NEB: variants seen among roughly 807,000 people sequenced by gnomAD.
NEB encodes the protein nemaline myopathy type 2.
In NEB, 512 loss-of-function variants were observed where a neutral mutation model predicts 952.2. The ratio of observed to expected loss-of-function variants is 0.54; its 90% CI spans 0.50 to 0.58. The LOEUF is 0.58. NEB is among the 20% of genes least tolerant of loss of function. The pLI, the probability that NEB is intolerant of heterozygous loss-of-function variation, is 0.00. For missense variants in NEB, 8,428 were observed against 9,231.1 expected (o/e 0.91, Z 3.56); for synonymous variants, 2,900 against 3,149.8 (o/e 0.92, Z 2.66).
In NEB at chr2:151,619,627, C is replaced by T; in HGVS notation, c.10696G>A (p.Glu3566Lys). 6.2e-7 allele frequency: 1 copy of T among 1,613,954 alleles called. No individual in the cohort carries two copies. Residue 3566 changes from glutamate to lysine, a missense_variant, in exon 73 of 182, where the codon GAG (glutamate) becomes AAG (lysine). By Grantham distance (56) the Glu-to-Lys change is moderately conservative. Coordinates refer to ENST00000397345, the MANE Select transcript of NEB (RefSeq NM_001164508.2). ...QSDREYKKDF[E>K]KYKTRYSSPV... ...CTGCTGTACCTTGTCTTGTATTTCTCAAAATCTTTCTTGTACTCACGGTCA... is the reference window on the plus strand; with the variant it reads ...CTGCTGTACCTTGTCTTGTATTTCTTAAAATCTTTCTTGTACTCACGGTCA...
rs543483258 is a variant in NEB at position 151,572,871 on chromosome 2, T to TAAAAA, written c.17014-2275_17014-2271dup. ...AGCCAAGTATGTATATATTTTTAAC[T>TAAAAA]AAAAAAAAAAAAAAAAAGCCCGGGG... On this transcript the variant is annotated intron_variant, in intron 107 of 181. Transcript: ENST00000397345. 6.9e-5 allele frequency among the ~76,000 whole-genome samples: 6 copies of TAAAAA among 86,666 alleles called. No homozygotes were observed. In the Admixed American group the frequency reaches 7.5e-4, roughly 11 times the overall value. 56.9% of individuals were successfully genotyped at this position (86,666 alleles called of 152,430 possible). A position where few individuals can be genotyped will look rare whatever the true frequency, so the allele number is the denominator to read the frequency against.
chr2:151,643,610 G>T (rs1474797990), intron 57 of NEB, among the ~76,000 whole-genome samples: 2 of 152,150 alleles, frequency 1.3e-5, no homozygotes, highest in Non-Finnish European at 2.9e-5. Flanking sequence ...TGTCTAGCTC[G>T]ACAATCTAGA....
chr2:151,515,001 A>T (rs928075944), intron 157 of NEB, 73 bp from the exon 158 acceptor site: 6 of 890,438 alleles, frequency 6.7e-6, no homozygotes, highest in East Asian at 2.8e-5. Context: ...TCTCAGGAAG[A>T]AAAAAAAAAC....
In NEB at chr2:151,568,913, A is replaced by T. The variant is rs559674933; in HGVS notation, c.17536-197T>A. 5.3e-5 allele frequency among the ~76,000 whole-genome samples: 8 copies of T among 152,312 alleles called. No homozygotes were observed. The South Asian group carries it at 1.7e-3, about 32-fold the overall frequency. ...CATCAGCTTCTTATGCCTCCCACAG[A>T]TTTTAAAGTAGGAAGTTTGCTTAGC... On this transcript the variant is annotated intron_variant, in intron 110 of 181. Coordinates refer to ENST00000397345, the MANE Select transcript of NEB (RefSeq NM_001164508.2).
Position 151,633,693 on chromosome 2 carries a change from A to G in NEB, c.9375T>C (p.Asp3125=), listed in dbSNP as rs1006737950. ...CATAGGCCTGCCGAGCATGGATGAC[A>G]TCGCTCTGGTCAGGCAGGCATGTCC... ...HEWTCLPDQS[D]VIHARQAYDL... Residue 3125 remains aspartate, a synonymous_variant, in exon 65 of 182, where the codon GAT becomes GAC. Coordinates refer to ENST00000397345, the MANE Select transcript of NEB (RefSeq NM_001164508.2). 4.3e-6 allele frequency: 7 copies of G among 1,613,736 alleles called. No homozygotes were observed. The Admixed American group carries it at 5.0e-5, about 12-fold the overall frequency.
Position 151,578,698 on chromosome 2 carries a change from AGAAGGAGGGAAGGAAGGAAG to A in NEB, c.16704+620_16704+639del, listed in dbSNP as rs1411035482. On this transcript the variant is annotated intron_variant, in intron 105 of 181. Coordinates refer to ENST00000397345, the MANE Select transcript of NEB (RefSeq NM_001164508.2). ...AGGAGGGAAGGAAGGAAGGAAGGAG[AGAAGGAGGGAAGGAAGGAAG>A]GAAGGAGGGAAGGAAGGAAGGAAGG... Among the ~76,000 whole-genome samples, 18 of 140,348 alleles carry A rather than the reference AGAAGGAGGGAAGGAAGGAAG, an allele frequency of 1.3e-4. No homozygotes were observed. The Middle Eastern group carries it at 0.014, about 109-fold the overall frequency. 92.1% of individuals were successfully genotyped at this position (140,348 alleles called of 152,430 possible). A position where few individuals can be genotyped will look rare whatever the true frequency, so the allele number is the denominator to read the frequency against.
chr2:151,733,235 C>G (rs1400270060), intron 2 of NEB, 50 bp from the exon 3 acceptor site: 2 of 1,221,238 alleles, frequency 1.6e-6, no homozygotes, highest in African/African-American at 3.0e-5. Flanking sequence ...ATTCCCAGCA[C>G]AGAAATTATC....
In NEB at chr2:151,679,901, T is replaced by G. The variant is rs1160775703; in HGVS notation, c.3147+17A>C. On this transcript the variant is annotated intron_variant, in intron 31 of 181. Coordinates refer to ENST00000397345, the MANE Select transcript of NEB (RefSeq NM_001164508.2). ...AAGTCTGGACATACGCATCAGCCCG[T>G]GAGTCCACCCACGCACCTCACTGAT... is the stretch of plus-strand genomic sequence containing the variant. The G allele has an allele frequency of 6.2e-7, 1 of 1,609,686 alleles. No individual in the cohort carries two copies. Among genetic ancestry groups the G allele is most frequent in the Non-Finnish European group, 8.5e-7 (1 of 1,176,066 alleles).
intron 141 of NEB, among the ~76,000 whole-genome samples, chr2:151,536,538 C>T (rs2093236479): frequency 6.6e-6 from 1 of 152,108 alleles, no homozygotes; most frequent in Non-Finnish European, 1.5e-5. Context: ...TAGCATGCCA[C>T]CTGTTTTTAA....
chr2:151,718,134 T>C (rs1332821232), intron 9 of NEB, among the ~76,000 whole-genome samples: 2 of 152,194 alleles, frequency 1.3e-5, no homozygotes, highest in Non-Finnish European at 2.9e-5. Context: ...ATTACAGGCG[T>C]GAGCCACCGC....
At position 151,541,489 on chromosome 2, in the gene NEB, A is replaced by C. The variant is rs748105415; in HGVS notation, c.20640T>G (p.Pro6880=). 1.2e-6 allele frequency: 2 copies of C among 1,613,506 alleles called. No homozygotes were observed. Among genetic ancestry groups the C allele is most frequent in the Admixed American group, 3.3e-5 (2 of 60,012 alleles). ...GCCCTCGCTTGGCTCTTAAAAGATCAGGAGTATCAGGAACTGAAGTAAAGA... is the reference window on the plus strand; with the variant it reads ...GCCCTCGCTTGGCTCTTAAAAGATCCGGAGTATCAGGAACTGAAGTAAAGA... ...KSIFTSVPDT[P]DLLRAKRGQK... The change falls in exon 136 of 182, where the codon CCT becomes CCG. Residue 6880 remains proline, a synonymous_variant. Transcript: ENST00000397345.
At position 151,639,331 on chromosome 2, in the gene NEB, T is replaced by A; in HGVS notation, c.8943A>T (p.Pro2981=). 6.5e-7 allele frequency: 1 copy of A among 1,545,866 alleles called. No homozygotes were observed. Among genetic ancestry groups the A allele is most frequent in the Non-Finnish European group, 8.7e-7 (1 of 1,147,888 alleles). ...TTGCCAACATAATTTCTGGTGTGTC[T>A]GGCATTATGTGGATCTGAGTCTTGT... is the stretch of plus-strand genomic sequence containing the variant. The part of the protein sequence containing the change: ...DKDKTQIHIM[P]DTPEIMLARM... The change falls in exon 63 of 182, where the codon CCA becomes CCT. Residue 2981 remains proline (P), a synonymous_variant. Transcript: ENST00000397345.
At chr2:151,729,041 T>C (rs1368809480) in intron 4 of NEB, among the ~76,000 whole-genome samples, 1 of 149,072 alleles carries the variant, frequency 6.7e-6, no homozygotes, top group African/African-American at 2.4e-5. Flanking sequence ...ATGCAGAAAA[T>C]AAAGCATGAG....
rs1575989207 is a variant in NEB at position 151,677,649 on chromosome 2, T to C, written c.3690A>G (p.Gln1230=). The change falls in exon 34 of 182, where the codon CAA becomes CAG. Residue 1230 remains glutamine, a synonymous_variant. Coordinates refer to ENST00000397345, the MANE Select transcript of NEB (RefSeq NM_001164508.2). ...GDALNEKKYR[Q]HPDTLKFTSI... The stretch of plus-strand genomic sequence containing the variant: ...TGGTAAATTTGAGGGTGTCTGGATG[T>C]TGCCTGTACTTCTTTTCATTCAGAG... 9 of 1,614,010 alleles carry C rather than the reference T, an allele frequency of 5.6e-6. No homozygotes were observed. Among genetic ancestry groups the C allele is most frequent in the Non-Finnish European group, 7.6e-6 (9 of 1,179,890 alleles).
Position 151,639,399 on chromosome 2 carries a change from A to G in NEB, c.8890-15T>C, listed in dbSNP as rs757234274. The G allele has an allele frequency of 1.9e-5, 29 of 1,504,992 alleles. No homozygotes were observed. The highest frequency in any genetic ancestry group is 2.3e-5 in the Non-Finnish European group (26 of 1,124,518). The allele number at this position is 1,504,992 out of a possible 1,614,324, so 93.2% of individuals were successfully genotyped here. A position where few individuals can be genotyped will look rare whatever the true frequency, so the allele number is the denominator to read the frequency against. ...GTGTATAAACGCTATCAAAAAAAAT[A>G]CACAAATTCATCAGGAAAAAAGTTC... is the stretch of plus-strand genomic sequence containing the variant. On this transcript the variant is annotated splice_polypyrimidine_tract_variant and intron_variant, in intron 62 of 181. Coordinates refer to ENST00000397345, the MANE Select transcript of NEB (RefSeq NM_001164508.2).
chr2:151,514,743 G>T, intron 158 of NEB, 75 bp downstream of exon 158: 1 of 1,066,534 alleles, frequency 9.4e-7, no homozygotes, highest in Non-Finnish European at 1.4e-6. Context: ...TAAATGGTAG[G>T]AGGAACACAT....
In NEB at chr2:151,508,071, A is replaced by G; in HGVS notation, c.23385T>C (p.Tyr7795=). The G allele has an allele frequency of 6.2e-7, 1 of 1,610,746 alleles. No homozygotes were observed. Among genetic ancestry groups the G allele is most frequent in the Non-Finnish European group, 8.5e-7 (1 of 1,178,334 alleles). The change falls in exon 162 of 182, where the codon TAT becomes TAC. Residue 7795 remains tyrosine (Y), a synonymous_variant. Transcript: ENST00000397345. The part of the protein sequence containing the change: ...YKEDAEKSMS[Y]YETVLDTPEI... ...CTGGGGTGTCCAAAACAGTCTCATA[A>G]TACGACATGGACTTCTCAGCATCTT...
Position 151,535,764 on chromosome 2 carries a change from T to A in NEB, c.21239A>T (p.Lys7080Met). Residue 7080 changes from lysine to methionine, a missense_variant, in exon 142 of 182, where the codon AAG (lysine) becomes ATG (methionine). Physicochemically the swap from Lys to Met is moderately conservative, Grantham distance 95. Coordinates refer to ENST00000397345, the MANE Select transcript of NEB (RefSeq NM_001164508.2). ...GTCGGCAACATACTTGAAATCTGAC[T>A]TTGTCCTTTCAAATACTTCTTTATA... ...YKYKEVFERTKSDFKYVADSP... is the reference protein window; with the variant it reads ...YKYKEVFERTMSDFKYVADSP... 6.2e-7 allele frequency: 1 copy of A among 1,605,786 alleles called. No homozygotes were observed. Among genetic ancestry groups the A allele is most frequent in the Non-Finnish European group, 8.5e-7 (1 of 1,175,408 alleles).
rs1350656506 is a variant in NEB at position 151,605,824 on chromosome 2, G to A, written c.12747+782C>T. Among the ~76,000 whole-genome samples the A allele has an allele frequency of 1.9e-4, 18 of 95,580 alleles. 1 individual carries two copies. The highest frequency in any genetic ancestry group is 5.8e-4 in the South Asian group (2 of 3,440). 62.7% of individuals were successfully genotyped at this position (95,580 alleles called of 152,430 possible). ...TTTTTATTTTTATTTTTTTTGAAAC[G>A]CAGTTTCAGTCTTGTTGCCCAGGCT... On this transcript the variant is annotated intron_variant, in intron 84 of 181. Coordinates refer to ENST00000397345, the MANE Select transcript of NEB (RefSeq NM_001164508.2).
Sources: gnomAD v4.1 joint callset for allele counts (sites outside exome capture counted in the v4.1 genomes callset) on GRCh38, gnomAD v4.1.1 for gene constraint, MANE v1.5 for transcripts, NCBI Gene and HGNC (gene_info 2026-07-23, HGNC 2026-07-21) for gene names.